Variants in VNN2 observed in about 807,000 individuals in gnomAD.
VNN2 encodes vanin 2.
A neutral mutation model predicts 43.0 loss-of-function variants in VNN2; 43 were observed. The observed-to-expected ratio is 1.00, with a 90% CI of 0.78 to 1.29. The LOEUF is 1.29. Among genes scored for constraint, VNN2 ranks in the 50% most tolerant of loss-of-function variants. The pLI is 0.00. For missense variants in VNN2, 652 were observed against 619.7 expected (o/e 1.05, Z -0.55); for synonymous variants, 230 against 224.3 (o/e 1.03, Z -0.23).
intron 6 of VNN2, among the ~76,000 whole-genome samples, chr6:132,745,007 A>G (rs1779635463): frequency 6.6e-6 from 1 of 152,176 alleles, no homozygotes; most frequent in South Asian, 2.1e-4. Flanking sequence ...CAAGGGCTGT[A>G]TGGTGGAAGA....
intron 6 of VNN2, among the ~76,000 whole-genome samples, chr6:132,749,242 T>C (rs901784380): frequency 6.6e-6 from 1 of 152,170 alleles, no homozygotes; most frequent in Non-Finnish European, 1.5e-5. Context: ...TCATGTAACT[T>C]CCTGTGTTGA....
At chr6:132,750,046 C>A (rs1209779130) in intron 5 of VNN2, among the ~76,000 whole-genome samples, 181 bp from the exon 6 acceptor site, 1 of 152,126 alleles carries the variant, frequency 6.6e-6, no homozygotes, top group Non-Finnish European at 1.5e-5. Flanking sequence ...GAGAATCAAC[C>A]CACTTCCTAA....
At position 132,744,302 on chromosome 6, in the gene VNN2, A is replaced by G. The variant is rs781378674; in HGVS notation, c.1561T>C (p.Ter521GlnextTer28). ...AAGCTGAGTGATAAAGAGACGCCCT[A>G]TAACATTACAATATTTTGCAAAGCT... is the stretch of plus-strand genomic sequence containing the variant. ...IIALQNIVML* is the reference protein window; with the variant it reads ...IIALQNIVMLQ Residue 521 changes from the stop codon to glutamine (Q), a stop_lost, in exon 7 of 7, where the codon TAG becomes CAG. Coordinates refer to ENST00000326499, the MANE Select transcript of VNN2 (RefSeq NM_004665.6). The G allele has an allele frequency of 5.6e-5, 90 of 1,611,310 alleles. No individual in the cohort carries two copies. Among genetic ancestry groups the G allele is most frequent in the African/African-American group, 1.3e-5 (1 of 74,744 alleles).
rs368273228 is a variant in VNN2, at chr6:132,752,619, A to G, written c.668T>C (p.Leu223Pro). 1 of 1,614,206 alleles carries G rather than the reference A, an allele frequency of 6.2e-7. No individual in the cohort carries two copies. Among genetic ancestry groups the G allele is most frequent in the Non-Finnish European group, 8.5e-7 (1 of 1,180,032 alleles). Residue 223 changes from leucine (L) to proline (P), a missense_variant, in exon 4 of 7, where the codon CTG becomes CCG. By Grantham distance (98) the Leu-to-Pro change is moderately conservative (BLOSUM62 -3). Transcript: ENST00000326499. ...DIFFYDPGVT[L>P]VKDFHVDTIL... Reference sequence around the variant, plus strand: ...GGTGTCCACATGGAAATCTTTCACCAGGGTAACACCAGGATCATAGAAGAA... The same window carrying G: ...GGTGTCCACATGGAAATCTTTCACCGGGGTAACACCAGGATCATAGAAGAA...
chr6:132,757,405 A>G lies in VNN2; in HGVS notation c.344+11T>C, dbSNP rs2114621623. The G allele has an allele frequency of 6.3e-7, 1 of 1,586,428 alleles. No individual in the cohort carries two copies. Among genetic ancestry groups the G allele is most frequent in the East Asian group, 2.2e-5 (1 of 44,716 alleles). On this transcript the variant is annotated intron_variant, in intron 2 of 6. Transcript: ENST00000326499. ...TTACTTTTGCACAAAAGACTAAGAT[A>G]GTTAAAATACCTGTGGGGGTCTTGA...
upstream of VNN2, chr6:132,760,684 T>G (rs896487847): frequency 6.6e-6 from 1 of 152,012 alleles, no homozygotes; most frequent in African/African-American, 2.4e-5. Flanking sequence ...TCTTTTGCTT[T>G]TAAGTAGTCA....
At chr6:132,755,739 C>G (rs146196840) in intron 3 of VNN2, 104 bp downstream of exon 3, 364 of 1,208,510 alleles carry the variant, frequency 3.0e-4, no homozygotes, top group Admixed American at 2.7e-3. Flanking sequence ...CAAAAAAACC[C>G]TCTAGTAATA....
upstream of VNN2, among the ~76,000 whole-genome samples, chr6:132,762,847 A>G (rs1419150792): frequency 1.3e-5 from 2 of 152,232 alleles, no homozygotes; most frequent in Non-Finnish European, 2.9e-5. Context: ...ACATGGTTCA[A>G]CCAACATGTC....
Position 132,757,744 on chromosome 6 carries a change from T to C in VNN2, c.140A>G (p.Gln47Arg), listed in dbSNP as rs944675860. 4.3e-6 allele frequency: 7 copies of C among 1,614,208 alleles called. No homozygotes were observed. Among genetic ancestry groups the C allele is most frequent in the Non-Finnish European group, 5.9e-6 (7 of 1,180,036 alleles). The change falls in exon 1 of 7, where the codon CAG (glutamine) becomes CGG (arginine). Residue 47 changes from glutamine to arginine, a missense_variant. Transcript: ENST00000326499. Reference sequence around the variant, plus strand: ...GTTCATGAGATTCAAGGCATCCTCCTGAGAAACTGGTGTTTCTGTTTTATT... The same window carrying C: ...GTTCATGAGATTCAAGGCATCCTCCCGAGAAACTGGTGTTTCTGTTTTATT... Reference protein sequence around the residue: ...LPNKTETPVSQEDALNLMNEN... With the variant: ...LPNKTETPVSREDALNLMNEN...
intron 4 of VNN2, 123 bp from the exon 5 acceptor site, chr6:132,751,641 A>T: frequency 8.5e-7 from 1 of 1,183,134 alleles, no homozygotes; most frequent in South Asian, 1.6e-5. Context: ...GAGAGAGGAT[A>T]CATGCTTCTA....
chr6:132,758,125 A>G (rs1189403341), upstream of VNN2: 2 of 356,524 alleles, frequency 5.6e-6, no homozygotes, highest in Non-Finnish European at 9.9e-6. Context: ...GCTCACTACA[A>G]CTTCCACCTC....
chr6:132,748,216 CT>C (rs1475009328), intron 6 of VNN2, among the ~76,000 whole-genome samples: 1 of 152,124 alleles, frequency 6.6e-6, no homozygotes, highest in African/African-American at 2.4e-5. Context: ...GTCCAGCCAC[CT>C]TTTAGCTACT....
rs1780576669 is a variant in VNN2 at position 132,757,804 on chromosome 6, A to G, written c.80T>C (p.Ile27Thr). 1.9e-6 allele frequency: 3 copies of G among 1,614,062 alleles called. No individual in the cohort carries two copies. Among genetic ancestry groups the G allele is most frequent in the Non-Finnish European group, 1.7e-6 (2 of 1,180,042 alleles). ...TLQVGTQDSF[I>T]AAVYEHAVIL... ...GACAGCATGTTCATACACTGCAGCT[A>G]TAAAACTGTCCTGAGTACCAACCTG... is the stretch of plus-strand genomic sequence containing the variant. The change falls in exon 1 of 7, where the codon ATA (isoleucine) becomes ACA (threonine). Residue 27 changes from isoleucine (I) to threonine (T), a missense_variant. Transcript: ENST00000326499.
At chr6:132,761,915 T>C (rs1348365228), upstream of VNN2, among the ~76,000 whole-genome samples, 5 of 152,196 alleles carry the variant, frequency 3.3e-5, no homozygotes, top group Non-Finnish European at 7.3e-5. Flanking sequence ...CCTAAAGATA[T>C]GTGAAAGTCC....
At chr6:132,753,722 C>T in intron 3 of VNN2, 1 of 213,014 alleles carries the variant, frequency 4.7e-6, no homozygotes, top group Non-Finnish European at 9.8e-6. Flanking sequence ...GAGGCCAAGG[C>T]AGGCAGATAA....
At chr6:132,761,505 C>G (rs1367865028), upstream of VNN2, among the ~76,000 whole-genome samples, 1 of 151,930 alleles carries the variant, frequency 6.6e-6, no homozygotes, top group Non-Finnish European at 1.5e-5. Context: ...ACTAAAAATA[C>G]AAAAACTAGC....
At chr6:132,762,853 A>T (rs1168581366), upstream of VNN2, among the ~76,000 whole-genome samples, 2 of 152,214 alleles carry the variant, frequency 1.3e-5, no homozygotes, top group African/African-American at 4.8e-5. Flanking sequence ...TTCAACCAAC[A>T]TGTCTGTTTT....
At chr6:132,759,891 A>C (rs1205322064), upstream of VNN2, among the ~76,000 whole-genome samples, 1 of 152,252 alleles carries the variant, frequency 6.6e-6, no homozygotes, top group Non-Finnish European at 1.5e-5. Context: ...CTGTTAGTAT[A>C]TAACCATACT....
At chr6:132,762,409 C>A (rs564812862), upstream of VNN2, among the ~76,000 whole-genome samples, 1 of 152,282 alleles carries the variant, frequency 6.6e-6, no homozygotes, top group South Asian at 2.1e-4. Flanking sequence ...GGCAGAAAAG[C>A]CAGGCTCCAG....
Sources: gnomAD v4.1 joint callset for allele counts (sites outside exome capture counted in the v4.1 genomes callset) on GRCh38, gnomAD v4.1.1 for gene constraint, MANE v1.5 for transcripts, NCBI Gene and HGNC (gene_info 2026-07-23, HGNC 2026-07-21) for gene names.